AGPAT5: variants seen among roughly 807,000 people sequenced by gnomAD.
AGPAT5 encodes 1-acylglycerol-3-phosphate O-acyltransferase 5.
In AGPAT5, 46 loss-of-function variants were observed where a neutral mutation model predicts 45.6. That is an observed-to-expected ratio of 1.01 (90% CI 0.80 to 1.29). The LOEUF is 1.29. AGPAT5 is among the 50% of genes most tolerant of loss of function. The probability of loss-of-function intolerance (pLI) is 0.00; values close to 1 mark genes in which losing one functional copy is unlikely to be tolerated. For synonymous variants in AGPAT5, 272 were observed against 167.0 expected, an observed-to-expected ratio of 1.63 and a Z score of -4.85; for missense variants, 673 against 450.7, an observed-to-expected ratio of 1.49 and a Z score of -4.47.
chr8:6,712,625 A>G (rs1347838689), intron 1 of AGPAT5, among the ~76,000 whole-genome samples: 1 of 152,176 alleles, frequency 6.6e-6, no homozygotes, highest in Middle Eastern at 3.2e-3. Context: ...AAGTTGGAGT[A>G]CTGACAGAGG....
At chr8:6,711,006 G>A (rs1800140086) in intron 1 of AGPAT5, among the ~76,000 whole-genome samples, 2 of 152,008 alleles carry the variant, frequency 1.3e-5, no homozygotes, top group Non-Finnish European at 2.9e-5. Context: ...CATTTCTGAA[G>A]GGAGTTTTAG....
At chr8:6,737,864 A>C (rs890658032) in intron 4 of AGPAT5, among the ~76,000 whole-genome samples, 23 of 152,216 alleles carry the variant, frequency 1.5e-4, no homozygotes, top group African/African-American at 5.5e-4. Flanking sequence ...TTCTTTCCTT[A>C]AACCTCACGA....
In AGPAT5 at chr8:6,735,848, C is replaced by CTTTTTTTTTTTTTT. The variant is rs1563295313; in HGVS notation, c.495+3198_495+3199insTTTTTTTTTTTTTT. 1.1e-4 allele frequency among the ~76,000 whole-genome samples: 6 copies of CTTTTTTTTTTTTTT among 53,628 alleles called. 1 individual carries two copies. The highest frequency in any genetic ancestry group is 1.1e-4 in the African/African-American group (2 of 18,178). The allele number at this position is 53,628 out of a possible 152,430, so 35.2% of individuals were successfully genotyped here. A position where few individuals can be genotyped will look rare whatever the true frequency, so the allele number is the denominator to read the frequency against. On this transcript the variant is annotated intron_variant, in intron 4 of 7. Coordinates refer to ENST00000285518, the MANE Select transcript of AGPAT5 (RefSeq NM_018361.5). ...GTGTTCCTGTTTATTCTTTATATAGCCTTTTTTTTTTTTTTTTTTTTTTTG... is the reference window on the plus strand; with the variant it reads ...GTGTTCCTGTTTATTCTTTATATAGCTTTTTTTTTTTTTTCTTTTTTTTTTTTTTTTTTTTTTTG...
chr8:6,710,579 G>T (rs1172018672), intron 1 of AGPAT5, among the ~76,000 whole-genome samples: 1 of 152,134 alleles, frequency 6.6e-6, no homozygotes, highest in African/African-American at 2.4e-5. Context: ...AGAGTTTCTT[G>T]TTCCTGCATT....
intron 1 of AGPAT5, among the ~76,000 whole-genome samples, chr8:6,722,740 G>A (rs763678494): frequency 2.6e-5 from 4 of 152,176 alleles, no homozygotes; most frequent in Non-Finnish European, 4.4e-5. Context: ...TTTGACGAAA[G>A]CAGAATAACT....
intron 5 of AGPAT5, among the ~76,000 whole-genome samples, chr8:6,747,315 G>C (rs1299886179): frequency 6.6e-6 from 1 of 152,206 alleles, no homozygotes; most frequent in African/African-American, 2.4e-5. Flanking sequence ...AGGAAATCTT[G>C]AGTCACCATG....
intron 4 of AGPAT5, among the ~76,000 whole-genome samples, chr8:6,735,341 G>T (rs558080468): frequency 2.4e-4 from 37 of 152,254 alleles, no homozygotes; most frequent in African/African-American, 8.7e-4. Context: ...CCTACATCCA[G>T]TCTTCCCTGA....
intron 3 of AGPAT5, 72 bp from the exon 4 acceptor site, chr8:6,732,489 T>G: frequency 8.4e-7 from 1 of 1,184,198 alleles, no homozygotes; most frequent in Non-Finnish European, 1.2e-6. Flanking sequence ...CAAGAGAAGT[T>G]GCCTTTTTGA....
At chr8:6,747,310 A>T (rs1346067799) in intron 5 of AGPAT5, among the ~76,000 whole-genome samples, 1 of 152,208 alleles carries the variant, frequency 6.6e-6, no homozygotes, top group Non-Finnish European at 1.5e-5. Context: ...TTTCTAGGAA[A>T]TCTTGAGTCA....
At chr8:6,746,967 C>T (rs1055315680) in intron 5 of AGPAT5, among the ~76,000 whole-genome samples, 18 of 152,162 alleles carry the variant, frequency 1.2e-4, no homozygotes, top group African/African-American at 4.3e-4. Flanking sequence ...AGTAGTCCCC[C>T]AGCTAAAGAA....
intron 1 of AGPAT5, among the ~76,000 whole-genome samples, chr8:6,710,291 A>G (rs952563821): frequency 6.6e-6 from 1 of 152,166 alleles, no homozygotes; most frequent in African/African-American, 2.4e-5. Context: ...ACCTTACCTG[A>G]TGTTCAGAGA....
At chr8:6,752,506 A>G (rs149559520) in intron 6 of AGPAT5, among the ~76,000 whole-genome samples, 23 of 152,286 alleles carry the variant, frequency 1.5e-4, no homozygotes, top group African/African-American at 5.1e-4. Flanking sequence ...GTGATTTAAC[A>G]GCAGTTATCT....
intron 1 of AGPAT5, among the ~76,000 whole-genome samples, chr8:6,724,056 T>G (rs1212726574): frequency 6.6e-6 from 1 of 152,156 alleles, no homozygotes; most frequent in African/African-American, 2.4e-5. Flanking sequence ...CTTGAAAAAT[T>G]TATTCTAAAA....
intron 4 of AGPAT5, among the ~76,000 whole-genome samples, chr8:6,733,003 G>A (rs932068827): frequency 2.0e-5 from 3 of 152,130 alleles, no homozygotes; most frequent in African/African-American, 7.2e-5. Flanking sequence ...ATCAGATTTG[G>A]TTTTAGAAGC....
intron 6 of AGPAT5, among the ~76,000 whole-genome samples, chr8:6,754,585 G>C (rs1420544473): frequency 6.6e-6 from 1 of 152,158 alleles, no homozygotes; most frequent in Non-Finnish European, 1.5e-5. Flanking sequence ...AGCCAGACCA[G>C]CTTCCTCTCG....
At chr8:6,715,804 T>G (rs1800309696) in intron 1 of AGPAT5, among the ~76,000 whole-genome samples, 1 of 152,224 alleles carries the variant, frequency 6.6e-6, no homozygotes, top group African/African-American at 2.4e-5. Flanking sequence ...AAAGTAACTC[T>G]TTGCTTGGGT....
chr8:6,755,117 C>A lies in AGPAT5; in HGVS notation c.812C>A (p.Pro271Gln). Reference sequence around the variant, plus strand: ...GATCGTATCGACAAAAAAGATGTCCCAGAAGAACAAGAACATATGAGAAGA... The same window carrying A: ...GATCGTATCGACAAAAAAGATGTCCAAGAAGAACAAGAACATATGAGAAGA... Reference protein sequence around the residue: ...HIDRIDKKDVPEEQEHMRRWL... With the variant: ...HIDRIDKKDVQEEQEHMRRWL... Residue 271 changes from proline to glutamine, a missense_variant, in exon 7 of 8, where the codon CCA becomes CAA. Transcript: ENST00000285518. 6.2e-7 allele frequency: 1 copy of A among 1,608,278 alleles called. No individual in the cohort carries two copies. Among genetic ancestry groups the A allele is most frequent in the South Asian group, 1.1e-5 (1 of 89,160 alleles).
chr8:6,711,985 C>T (rs28744398), intron 1 of AGPAT5, among the ~76,000 whole-genome samples: 3,297 of 152,330 alleles, frequency 0.022, 122 homozygotes, highest in African/African-American at 0.075. Context: ...AAAACATTCA[C>T]AGGTTCCAGG....
At position 6,732,545 on chromosome 8, in the gene AGPAT5, G is replaced by T. The variant is rs767077316; in HGVS notation, c.406-16G>T. The T allele has an allele frequency of 1.9e-6, 3 of 1,578,014 alleles. No homozygotes were observed. The South Asian group carries it at 3.6e-5, about 19-fold the overall frequency. On this transcript the variant is annotated splice_polypyrimidine_tract_variant and intron_variant, in intron 3 of 7. Coordinates refer to ENST00000285518, the MANE Select transcript of AGPAT5 (RefSeq NM_018361.5). The stretch of plus-strand genomic sequence containing the variant: ...TTTAAAAGTAAATGCTCTTTCTCCC[G>T]ATTTGATTGTGGCAGCATGGAGGAA...
Sources: allele counts gnomAD v4.1 joint callset (sites outside exome capture counted in the v4.1 genomes callset), GRCh38; gene constraint gnomAD v4.1.1; transcripts MANE v1.5; gene names NCBI Gene and HGNC (gene_info 2026-07-23, HGNC 2026-07-21).